The following KPNB1 variants were observed in gnomAD, a reference collection of about 807,000 sequenced individuals.
KPNB1 encodes the protein karyopherin subunit beta 1, also known as importin subunit beta-1.
Under a neutral mutation model 113.0 loss-of-function variants are expected in KPNB1, and 7 were observed. The ratio of observed to expected loss-of-function variants is 0.06; its 90% CI spans 0.04 to 0.12. The LOEUF (loss-of-function observed/expected upper bound fraction) is 0.12. Ranked by LOEUF, KPNB1 falls within the 10% of genes least tolerant of loss-of-function variation. KPNB1 has a pLI of 1.00. For missense variants in KPNB1, 400 were observed against 1,054.8 expected (o/e 0.38, Z 8.60); for synonymous variants, 363 against 378.6 (o/e 0.96, Z 0.48).
At chr17:47,656,767 G>A (rs2029922923) in intron 3 of KPNB1, 93 bp from the exon 4 acceptor site, 1 of 1,257,052 alleles carries the variant, frequency 8.0e-7, no homozygotes, top group South Asian at 1.3e-5. Context: ...AGAAAAAAAA[G>A]AATTCAGAGA....
At chr17:47,665,643 T>C (rs2030245121) in intron 9 of KPNB1, among the ~76,000 whole-genome samples, 1 of 152,348 alleles carries the variant, frequency 6.6e-6, no homozygotes, top group East Asian at 1.9e-4. Context: ...ACTGATCCTT[T>C]AAGATAATTA....
chr17:47,670,437 T>C, intron 11 of KPNB1: 1 of 300,274 alleles, frequency 3.3e-6, no homozygotes, highest in Non-Finnish European at 6.3e-6. Context: ...TTTCTGTGAT[T>C]GGAAACAGAA....
chr17:47,683,724 CAAA>C lies in KPNB1; in HGVS notation c.*1326_*1328del, dbSNP rs765039683. The C allele has an allele frequency of 5.9e-4, 10 of 16,814 alleles. No individual in the cohort carries two copies. Among genetic ancestry groups the C allele is most frequent in the African/African-American group, 1.1e-3 (4 of 3,746 alleles). 1.0% of individuals were successfully genotyped at this position (16,814 alleles called of 1,614,324 possible). ...TCAAAAGCAACCAACAAAACAAAAA[CAAA>C]AAAAAGTGTGTGTTGTGTGAATACA... On this transcript the variant is annotated 3_prime_UTR_variant, in exon 22 of 22. Transcript: ENST00000290158.
At chr17:47,651,709 TCTG>T (rs1177756036) in intron 2 of KPNB1, among the ~76,000 whole-genome samples, 2 of 152,258 alleles carry the variant, frequency 1.3e-5, no homozygotes, top group Non-Finnish European at 1.5e-5. Flanking sequence ...AGAATTATCT[TCTG>T]CTGTGATTGC....
At chr17:47,651,935 G>A (rs1915586832) in intron 2 of KPNB1, among the ~76,000 whole-genome samples, 1 of 152,188 alleles carries the variant, frequency 6.6e-6, no homozygotes, top group South Asian at 2.1e-4. Flanking sequence ...ATGTAAAGGA[G>A]CAAGTAATTG....
At chr17:47,667,205 AACCTT>A (rs1291658949) in intron 9 of KPNB1, among the ~76,000 whole-genome samples, 1 of 151,972 alleles carries the variant, frequency 6.6e-6, no homozygotes, top group Non-Finnish European at 1.5e-5. Context: ...GGCTCACTAC[AACCTT>A]CATCTCCCTG....
chr17:47,660,424 G>A (rs1413709757), intron 5 of KPNB1, among the ~76,000 whole-genome samples: 1 of 152,186 alleles, frequency 6.6e-6, no homozygotes, highest in Non-Finnish European at 1.5e-5. Context: ...ACATGGGCAT[G>A]CATGTGTATC....
Position 47,669,778 on chromosome 17 carries a change from C to T in KPNB1, c.1325C>T (p.Ala442Val). 1 of 1,614,136 alleles carries T rather than the reference C, an allele frequency of 6.2e-7. No individual in the cohort carries two copies. The highest frequency in any genetic ancestry group is 8.5e-7 in the Non-Finnish European group (1 of 1,179,974). The part of the protein sequence containing the change: ...VGRICELLPE[A>V]AINDVYLAPL... ...AGAATTTGTGAGCTGCTTCCTGAAG[C>T]TGCCATCAATGATGTCTACTTGGCT... is the stretch of plus-strand genomic sequence containing the variant. Residue 442 changes from alanine to valine, a missense_variant, in exon 11 of 22, where the codon GCT (alanine) becomes GTT (valine). By Grantham distance (64) the Ala-to-Val change is moderately conservative. Around this residue, in one of 2 missense-constraint regions of KPNB1, gnomAD observed 285 missense variants for 627.0 expected, o/e 0.45. Transcript: ENST00000290158.
At chr17:47,678,215 T>TAA (rs763593205) in intron 18 of KPNB1, 26 bp downstream of exon 18, 5 of 1,613,676 alleles carry the variant, frequency 3.1e-6, no homozygotes, top group Non-Finnish European at 4.2e-6. Context: ...TCTTGGCTGT[T>TAA]CTTTAAGTCT....
Position 47,673,482 on chromosome 17 carries a change from C to A in KPNB1, c.1696-8C>A. On this transcript the variant is annotated splice_region_variant and splice_polypyrimidine_tract_variant and intron_variant, in intron 13 of 21. Transcript: ENST00000290158. ...CATGTAGAGTATGTTTTCTTATTTT[C>A]TTTGTAGTCACATATCCAGAGCACA... is the stretch of plus-strand genomic sequence containing the variant. 6.2e-7 allele frequency: 1 copy of A among 1,608,736 alleles called. No homozygotes were observed. Among genetic ancestry groups the A allele is most frequent in the Non-Finnish European group, 8.5e-7 (1 of 1,175,262 alleles).
chr17:47,652,143 C>T (rs772007416), intron 2 of KPNB1, among the ~76,000 whole-genome samples: 2 of 152,070 alleles, frequency 1.3e-5, no homozygotes, highest in African/African-American at 2.4e-5. Flanking sequence ...TGTATTTCCC[C>T]CTCTCATAAA....
At position 47,654,404 on chromosome 17, in the gene KPNB1, A is replaced by G. The variant is rs187046625; in HGVS notation, c.282+1528A>G. On this transcript the variant is annotated intron_variant, in intron 3 of 21. Transcript: ENST00000290158. ...ACTCCAGCCTGGGTGACAGAGTGAC[A>G]CTCCATTTCTTAAAAAAAAAAAAAA... Among the ~76,000 whole-genome samples, 17 of 147,288 alleles carry G rather than the reference A, an allele frequency of 1.2e-4. No homozygotes were observed. In the East Asian group the frequency reaches 2.6e-3, roughly 22 times the overall value.
chr17:47,669,911 G>A (rs190427523), intron 11 of KPNB1, 42 bp downstream of exon 11: 10 of 1,424,420 alleles, frequency 7.0e-6, no homozygotes, highest in East Asian at 6.9e-5. Flanking sequence ...GCTTGCCTGC[G>A]CCACTGGCAA....
chr17:47,662,964 A>G (rs2030152686), intron 6 of KPNB1, 125 bp from the exon 7 acceptor site: 1 of 704,786 alleles, frequency 1.4e-6, no homozygotes, highest in African/African-American at 1.8e-5. Flanking sequence ...AATTTTAGGG[A>G]AATGATAACG....
chr17:47,681,332 G>A (rs552706247), intron 21 of KPNB1, among the ~76,000 whole-genome samples: 7 of 147,382 alleles, frequency 4.7e-5, no homozygotes, highest in East Asian at 4.1e-4. Context: ...GCAGTGGTGC[G>A]ATCTCAGCTT....
intron 21 of KPNB1, 131 bp from the exon 22 acceptor site, chr17:47,682,271 AAG>A (rs2030807858): frequency 2.8e-6 from 2 of 726,182 alleles, no homozygotes; most frequent in East Asian, 2.5e-5. Context: ...GACAAGAAGA[AAG>A]AGTGTCAATC....
intron 20 of KPNB1, 38 bp downstream of exon 20, chr17:47,680,172 T>A: frequency 7.3e-7 from 1 of 1,361,210 alleles, no homozygotes; most frequent in Non-Finnish European, 1.0e-6. Context: ...GAATAGAACT[T>A]CTCACAGAAA....
chr17:47,666,532 TTA>T (rs1051831203), intron 9 of KPNB1, among the ~76,000 whole-genome samples: 1 of 102,152 alleles, frequency 9.8e-6, no homozygotes, highest in African/African-American at 3.3e-5. Flanking sequence ...ATGTATTATG[TTA>T]TATATTATAT....
chr17:47,661,001 C>A, intron 5 of KPNB1, 118 bp from the exon 6 acceptor site: 1 of 743,158 alleles, frequency 1.3e-6, no homozygotes, highest in Non-Finnish European at 2.4e-6. Context: ...TTGTACCAGG[C>A]AGGGCTGTGT....
Sources: allele counts gnomAD v4.1 joint callset (sites outside exome capture counted in the v4.1 genomes callset), GRCh38; gene constraint gnomAD v4.1.1; regional missense constraint gnomAD v4.1.1; transcripts MANE v1.5; gene names NCBI Gene and HGNC (gene_info 2026-07-23, HGNC 2026-07-21).